FAM47E: variants seen among roughly 807,000 people sequenced by gnomAD.
FAM47E encodes protein FAM47E.
In FAM47E, 32 loss-of-function variants were observed where a neutral mutation model predicts 41.6. The ratio of observed to expected loss-of-function variants is 0.77; its 90% confidence interval spans 0.58 to 1.03. The LOEUF is 1.03. Among genes scored for constraint, FAM47E ranks in the 50% least tolerant of loss-of-function variants. FAM47E has a pLI of 0.00. For synonymous variants in FAM47E, 184 were observed against 188.7 expected (o/e 0.98, Z 0.20); for missense variants, 424 against 485.4 (o/e 0.87, Z 1.19).
Position 76,280,637 on chromosome 4 carries a change from G to A in FAM47E, c.1104+296G>A, listed in dbSNP as rs149251364. 8.0e-5 allele frequency: 19 copies of A among 236,350 alleles called. No homozygotes were observed. The East Asian group carries it at 1.5e-3, about 18-fold the overall frequency. The allele number at this position is 236,350 out of a possible 1,614,324, so 14.6% of individuals were successfully genotyped here. A position where few individuals can be genotyped will look rare whatever the true frequency, so the allele number is the denominator to read the frequency against. On this transcript the variant is annotated intron_variant, in intron 7 of 7. Transcript: ENST00000424749. The stretch of plus-strand genomic sequence containing the variant: ...GCCTCAATAGGAGGTCTATGTACAG[G>A]GCATGGGCCTTGCAAATTCCAACTG...
intron 2 of FAM47E, among the ~76,000 whole-genome samples, chr4:76,238,771 A>G (rs1733640742): frequency 6.6e-6 from 1 of 152,164 alleles, no homozygotes; most frequent in African/African-American, 2.4e-5. Context: ...CATACATAAC[A>G]CAAAATTTAC....
chr4:76,250,026 G>C (rs1260270824), upstream of FAM47E, among the ~76,000 whole-genome samples: 1 of 152,106 alleles, frequency 6.6e-6, no homozygotes, highest in African/African-American at 2.4e-5. Flanking sequence ...ACATGTGTGT[G>C]CAAGTATCTT....
intron 3 of FAM47E, among the ~76,000 whole-genome samples, chr4:76,267,080 G>A (rs1483776315): frequency 6.6e-6 from 1 of 152,134 alleles, no homozygotes; most frequent in Admixed American, 6.5e-5. Context: ...GCATATGTTT[G>A]TTTACTATCT....
chr4:76,271,579 C>T lies in FAM47E; in HGVS notation c.681C>T (p.Asp227=), dbSNP rs1734891692. The T allele has an allele frequency of 6.4e-7, 1 of 1,552,090 alleles. No individual in the cohort carries two copies. Among genetic ancestry groups the T allele is most frequent in the East Asian group, 2.4e-5 (1 of 40,928 alleles). The change falls in exon 5 of 8, where the codon GAC becomes GAT. Residue 227 remains aspartate, a synonymous_variant. Transcript: ENST00000424749. ...RPGLHENGIS[D]IDEEFILKQF... ...TGATATTCTTCCAGGGAATTTCGGACATCGATGAAGAGTTCATCTTGAAAC... is the reference window on the plus strand; with the variant it reads ...TGATATTCTTCCAGGGAATTTCGGATATCGATGAAGAGTTCATCTTGAAAC...
chr4:76,273,103 A>G (rs1354529396), intron 5 of FAM47E, among the ~76,000 whole-genome samples: 1 of 152,154 alleles, frequency 6.6e-6, no homozygotes, highest in African/African-American at 2.4e-5. Context: ...GCTAACTCCT[A>G]TATATACTGC....
intron 5 of FAM47E, among the ~76,000 whole-genome samples, chr4:76,277,290 C>T (rs1017919501): frequency 2.6e-5 from 4 of 152,094 alleles, no homozygotes; most frequent in Non-Finnish European, 4.4e-5. Flanking sequence ...CAAGACCATC[C>T]TGGCTAACAT....
intron 5 of FAM47E, among the ~76,000 whole-genome samples, chr4:76,277,509 G>GA (rs1298678584): frequency 6.4e-4 from 87 of 135,916 alleles, no homozygotes; most frequent in Non-Finnish European, 9.8e-4. Flanking sequence ...GAAAGAAAAA[G>GA]AAAAAAAAAA....
chr4:76,264,806 G>A (rs1169510457), intron 3 of FAM47E, among the ~76,000 whole-genome samples: 1 of 152,144 alleles, frequency 6.6e-6, no homozygotes, highest in African/African-American at 2.4e-5. Context: ...ATGTTGGCCA[G>A]CCTAGTCTTG....
At chr4:76,216,429 C>T (rs191724335) in intron 1 of FAM47E, among the ~76,000 whole-genome samples, 69 of 152,274 alleles carry the variant, frequency 4.5e-4, no homozygotes, top group African/African-American at 9.6e-4. Context: ...TTTCTGTTTG[C>T]GGGCTCCATT....
upstream of FAM47E, chr4:76,251,583 C>T: frequency 7.7e-7 from 1 of 1,296,772 alleles, no homozygotes; most frequent in Non-Finnish European, 9.8e-7. Context: ...GTCCACGTCC[C>T]CAGGCGTCGG....
chr4:76,250,982 T>C (rs1355333276), upstream of FAM47E, among the ~76,000 whole-genome samples: 1 of 152,180 alleles, frequency 6.6e-6, no homozygotes, highest in Non-Finnish European at 1.5e-5. Context: ...AGGTAATTAA[T>C]GAAGCTTAAA....
At chr4:76,253,777 C>T (rs1365050224) in intron 1 of FAM47E, among the ~76,000 whole-genome samples, 1 of 150,180 alleles carries the variant, frequency 6.7e-6, no homozygotes, top group Non-Finnish European at 1.5e-5. Context: ...GCACTCCAGC[C>T]TGGGTAACAG....
intron 2 of FAM47E, among the ~76,000 whole-genome samples, chr4:76,237,042 C>A (rs1176153774): frequency 6.6e-6 from 1 of 151,620 alleles, no homozygotes; most frequent in Non-Finnish European, 1.5e-5. Flanking sequence ...ACTACAGGCG[C>A]CTGTCACCAC....
chr4:76,244,474 G>C (rs1410087345), intron 2 of FAM47E, among the ~76,000 whole-genome samples: 1 of 149,560 alleles, frequency 6.7e-6, no homozygotes, highest in Non-Finnish European at 1.5e-5. Context: ...GTTTTGATTT[G>C]CATTTCTCTA....
At position 76,256,391 on chromosome 4, in the gene FAM47E, G is replaced by A; in HGVS notation, c.288G>A (p.Lys96=). 1.3e-6 allele frequency: 2 copies of A among 1,552,164 alleles called. No individual in the cohort carries two copies. The highest frequency in any genetic ancestry group is 1.7e-6 in the Non-Finnish European group (2 of 1,147,322). The part of the protein sequence containing the change: ...APKKRQIKLL[K]EADVLSKLSP... Reference sequence around the variant, plus strand: ...AGAAGAGGCAGATCAAGCTGCTCAAGGAAGCAGACGTGCTTTCCAAGCTCT... The same window carrying A: ...AGAAGAGGCAGATCAAGCTGCTCAAAGAAGCAGACGTGCTTTCCAAGCTCT... The change falls in exon 2 of 8, where the codon AAG becomes AAA. Residue 96 remains lysine (K), a synonymous_variant. Coordinates refer to ENST00000424749, the MANE Select transcript of FAM47E (RefSeq NM_001136570.3).
At chr4:76,217,956 A>G (rs1043548352) in intron 2 of FAM47E, among the ~76,000 whole-genome samples, 2 of 152,272 alleles carry the variant, frequency 1.3e-5, no homozygotes, top group African/African-American at 4.8e-5. Flanking sequence ...TGTTGATACT[A>G]TACTCAAATG....
At chr4:76,239,594 G>A (rs1733664974) in intron 2 of FAM47E, among the ~76,000 whole-genome samples, 1 of 152,010 alleles carries the variant, frequency 6.6e-6, no homozygotes. Flanking sequence ...TGTTGTTGTT[G>A]AGTTTTAGGA....
chr4:76,219,270 G>T (rs1733267025), intron 2 of FAM47E, among the ~76,000 whole-genome samples: 1 of 152,228 alleles, frequency 6.6e-6, no homozygotes, highest in Non-Finnish European at 1.5e-5. Flanking sequence ...TGAACCTGAT[G>T]TTGAACTAGA....
At chr4:76,216,297 T>A (rs935601352) in intron 1 of FAM47E, among the ~76,000 whole-genome samples, 8 of 152,174 alleles carry the variant, frequency 5.3e-5, no homozygotes, top group African/African-American at 1.7e-4. Flanking sequence ...CATCTATATG[T>A]CCTCTCCTTC....
Sources: allele counts gnomAD v4.1 joint callset (sites outside exome capture counted in the v4.1 genomes callset), GRCh38; gene constraint gnomAD v4.1.1; transcripts MANE v1.5; gene names NCBI Gene and HGNC (gene_info 2026-07-23, HGNC 2026-07-21).